LCMT1: variants seen among roughly 807,000 people sequenced by gnomAD.
LCMT1 encodes the protein [Phosphatase 2A protein]-leucine-carboxy methyltransferase 1.
In LCMT1, 32 loss-of-function variants were observed where a neutral mutation model predicts 47.7. The observed-to-expected ratio is 0.67, with a 90% CI of 0.51 to 0.90. The LOEUF is 0.90. Among genes scored for constraint, LCMT1 ranks in the 40% least tolerant of loss-of-function variants. LCMT1 has a pLI of 0.00. For synonymous variants in LCMT1, 152 were observed against 149.7 expected (o/e 1.02, Z -0.11); for missense variants, 375 against 415.2 (o/e 0.90, Z 0.84).
chr16:25,139,660 C>T (rs1960620397), intron 3 of LCMT1, among the ~76,000 whole-genome samples: 1 of 152,136 alleles, frequency 6.6e-6, no homozygotes, highest in Non-Finnish European at 1.5e-5. Context: ...CCTAATGGAG[C>T]TCAAGCTGCC....
intron 4 of LCMT1, among the ~76,000 whole-genome samples, chr16:25,149,603 C>T (rs1014528300): frequency 1.3e-5 from 2 of 152,002 alleles, no homozygotes; most frequent in Non-Finnish European, 2.9e-5. Flanking sequence ...TACTTTATTC[C>T]GAGGGCATGT....
chr16:25,124,728 A>G (rs983742319), intron 1 of LCMT1, among the ~76,000 whole-genome samples: 1 of 152,182 alleles, frequency 6.6e-6, no homozygotes, highest in African/African-American at 2.4e-5. Flanking sequence ...GTTCCAGTTG[A>G]CGCTCGTGGA....
chr16:25,126,716 T>C (rs962329541), intron 1 of LCMT1, among the ~76,000 whole-genome samples: 1 of 152,218 alleles, frequency 6.6e-6, no homozygotes. Flanking sequence ...CAGCAAGTTA[T>C]GGCTTCCAGA....
At chr16:25,137,486 C>G (rs1396554879) in intron 3 of LCMT1, among the ~76,000 whole-genome samples, 2 of 152,076 alleles carry the variant, frequency 1.3e-5, no homozygotes, top group Non-Finnish European at 2.9e-5. Context: ...GCTCGGTCTC[C>G]CAGGCTGGAG....
Position 25,128,579 on chromosome 16 carries a change from C to G in LCMT1, c.205+13C>G. 2 of 1,575,134 alleles carry G rather than the reference C, an allele frequency of 1.3e-6. No homozygotes were observed. The highest frequency in any genetic ancestry group is 2.3e-5 in the East Asian group (1 of 43,838). On this transcript the variant is annotated intron_variant, in intron 2 of 10. Transcript: ENST00000399069. ...GAAATCAACAGAGGCAAGTGACCAT[C>G]TCCCTCCCCAACAGCACCTCATCAG...
At chr16:25,177,658 A>G (rs571817608) in intron 10 of LCMT1, among the ~76,000 whole-genome samples, 32 of 152,144 alleles carry the variant, frequency 2.1e-4, no homozygotes, top group Admixed American at 3.9e-4. Flanking sequence ...GTCCCCACTG[A>G]CCCGTGACTG....
At chr16:25,133,339 C>T (rs1960407913) in intron 3 of LCMT1, among the ~76,000 whole-genome samples, 1 of 144,936 alleles carries the variant, frequency 6.9e-6, no homozygotes, top group South Asian at 2.2e-4. Context: ...ATTACATTCT[C>T]AGAGGGAAAG....
At chr16:25,142,082 A>G (rs949319606) in intron 4 of LCMT1, 3 of 152,292 alleles carry the variant, frequency 2.0e-5, no homozygotes, top group African/African-American at 7.2e-5. Flanking sequence ...AGTAACAGAG[A>G]GGTGAAATTG....
intron 1 of LCMT1, among the ~76,000 whole-genome samples, chr16:25,116,190 T>C (rs906376995): frequency 2.6e-5 from 4 of 151,852 alleles, no homozygotes; most frequent in Non-Finnish European, 4.4e-5. Context: ...TGGGGGAGGG[T>C]CAAGGGATTT....
chr16:25,134,540 G>T (rs35918234), intron 3 of LCMT1, among the ~76,000 whole-genome samples: 132 of 152,138 alleles, frequency 8.7e-4, no homozygotes, highest in Non-Finnish European at 1.5e-3. Context: ...CACAGCCTCT[G>T]TGGTTTTTCA....
rs115182845 is a variant in LCMT1, at chr16:25,131,879, G to A, written c.206-523G>A. Among the ~76,000 whole-genome samples, 618 of 152,276 alleles carry A rather than the reference G, an allele frequency of 4.1e-3. 2 individuals carry two copies. Among genetic ancestry groups the A allele is most frequent in the African/African-American group, 0.013 (541 of 41,560 alleles). ...TAGTAGCAAGCCATTTTATTAGGCA[G>A]CAATTTGCTGGTCTTCTCTGCGACC... On this transcript the variant is annotated intron_variant, in intron 2 of 10. Transcript: ENST00000399069.
chr16:25,135,132 G>T (rs1223962902), intron 3 of LCMT1, among the ~76,000 whole-genome samples: 1 of 152,068 alleles, frequency 6.6e-6, no homozygotes, highest in East Asian at 1.9e-4. Flanking sequence ...AGTAACCTGA[G>T]GCTTACGTAC....
At chr16:25,141,357 T>C (rs1311323785) in intron 4 of LCMT1, 1 of 152,182 alleles carries the variant, frequency 6.6e-6, no homozygotes, top group Non-Finnish European at 1.5e-5. Flanking sequence ...ACTTTTATTT[T>C]CTTTTGGAGA....
chr16:25,174,833 C>T (rs1961879450), intron 9 of LCMT1, 104 bp from the exon 10 acceptor site: 1 of 474,954 alleles, frequency 2.1e-6, no homozygotes, highest in Non-Finnish European at 3.6e-6. Flanking sequence ...CGCCTTCTTT[C>T]CACTTAATCT....
intron 5 of LCMT1, among the ~76,000 whole-genome samples, chr16:25,156,398 C>G (rs1050686475): frequency 1.3e-5 from 2 of 152,194 alleles, no homozygotes; most frequent in African/African-American, 2.4e-5. Context: ...TGAATACTCA[C>G]GTGACTGCTT....
At chr16:25,160,572 CTACTT>C (rs1244520551) in intron 5 of LCMT1, among the ~76,000 whole-genome samples, 1 of 152,196 alleles carries the variant, frequency 6.6e-6, no homozygotes, top group Admixed American at 6.5e-5. Context: ...CTCATACTAT[CTACTT>C]TAAAGAAATA....
chr16:25,118,230 C>T (rs1959858953), intron 1 of LCMT1, among the ~76,000 whole-genome samples: 1 of 152,070 alleles, frequency 6.6e-6, no homozygotes, highest in Non-Finnish European at 1.5e-5. Context: ...TGTGTACTTC[C>T]CCAGCCTCAC....
chr16:25,134,010 C>T (rs547354120), intron 3 of LCMT1, among the ~76,000 whole-genome samples: 6 of 142,202 alleles, frequency 4.2e-5, no homozygotes, highest in African/African-American at 1.1e-4. Context: ...CCAGCCTGGG[C>T]GACGAGTGAG....
At chr16:25,128,241 G>C (rs1960245228) in intron 1 of LCMT1, among the ~76,000 whole-genome samples, 1 of 152,238 alleles carries the variant, frequency 6.6e-6, no homozygotes, top group South Asian at 2.1e-4. Context: ...TGAGGGAAGG[G>C]AGTGAGAAGG....
Sources: allele counts gnomAD v4.1 joint callset (sites outside exome capture counted in the v4.1 genomes callset), GRCh38; gene constraint gnomAD v4.1.1; transcripts MANE v1.5; gene names NCBI Gene and HGNC (gene_info 2026-07-23, HGNC 2026-07-21).